The following YIPF7 variants were observed in gnomAD, a reference collection of about 807,000 sequenced individuals.
YIPF7 encodes Yip1 domain family member 7.
YIPF7 carries 35 observed loss-of-function variants against 27.2 expected under a neutral mutation model. The ratio of observed to expected loss-of-function variants is 1.29; its 90% confidence interval spans 0.98 to 1.70. The LOEUF is 1.70. YIPF7 is among the 40% of genes most tolerant of loss of function. YIPF7 has a pLI of 0.00. For synonymous variants in YIPF7, 137 were observed against 110.4 expected, an observed-to-expected ratio of 1.24 and a Z score of -1.51; for missense variants, 358 against 303.7, an observed-to-expected ratio of 1.18 and a Z score of -1.33.
chr4:44,624,688 AC>A lies in YIPF7; in HGVS notation c.520del (p.Val174CysfsTer80). The stretch of plus-strand genomic sequence containing the variant: ...CACGCTGGCCACACAGCCGTACGAC[AC>A]CCCTGAAGAGCTCATCAGGTTCAGC... The part of the protein sequence containing the change: ...ALLNLMSSSG[V>X]SYGCVASVLG... On this transcript the variant is annotated frameshift_variant, in exon 5 of 6. Coordinates refer to ENST00000415895, the MANE Select transcript of YIPF7 (RefSeq NM_182592.3). LOFTEE classifies it high-confidence loss of function. 1 of 1,609,650 alleles carries A rather than the reference AC, an allele frequency of 6.2e-7. No homozygotes were observed. Among genetic ancestry groups the A allele is most frequent in the East Asian group, 2.2e-5 (1 of 44,658 alleles).
intron 4 of YIPF7, 127 bp downstream of exon 4, chr4:44,629,276 A>G: frequency 8.5e-7 from 1 of 1,182,766 alleles, no homozygotes; most frequent in Non-Finnish European, 1.1e-6. Flanking sequence ...TGGTTAAATT[A>G]TTCTCTCTCA....
rs372303368 is a variant in YIPF7, at chr4:44,636,021, C to A, written c.181G>T (p.Gly61Cys). The change falls in exon 3 of 6, where the codon GGT becomes TGT. Residue 61 changes from glycine (G) to cysteine (C), a missense_variant. Coordinates refer to ENST00000415895, the MANE Select transcript of YIPF7 (RefSeq NM_182592.3). ...GGCTGAAAAAATTGTCCTGCGTAAC[C>A]CGATGACATGAGCATCTCTGATGGA... Reference protein sequence around the residue: ...FVPSEMLMSSGYAGQFFQPAS... With the variant: ...FVPSEMLMSSCYAGQFFQPAS... 17 of 1,613,794 alleles carry A rather than the reference C, an allele frequency of 1.1e-5. No individual in the cohort carries two copies. The highest frequency in any genetic ancestry group is 1.4e-5 in the Non-Finnish European group (16 of 1,179,796).
chr4:44,627,727 T>C (rs890913678), intron 4 of YIPF7, among the ~76,000 whole-genome samples: 4 of 152,214 alleles, frequency 2.6e-5, no homozygotes, highest in Admixed American at 1.3e-4. Flanking sequence ...TAGAATTAAA[T>C]AGAACCTGAA....
At chr4:44,631,694 A>T (rs893367439) in intron 3 of YIPF7, among the ~76,000 whole-genome samples, 2 of 152,172 alleles carry the variant, frequency 1.3e-5, no homozygotes, top group Non-Finnish European at 2.9e-5. Flanking sequence ...TTATTAATGA[A>T]CGTATGCTTT....
At chr4:44,627,004 G>A (rs915942927) in intron 4 of YIPF7, among the ~76,000 whole-genome samples, 4 of 150,816 alleles carry the variant, frequency 2.7e-5, no homozygotes, top group South Asian at 2.1e-4. Context: ...GGATGGTCTC[G>A]ATCTCCTGAG....
At chr4:44,642,453 C>T (rs1713358156) in intron 2 of YIPF7, among the ~76,000 whole-genome samples, 1 of 152,012 alleles carries the variant, frequency 6.6e-6, no homozygotes, top group South Asian at 2.1e-4. Flanking sequence ...TATACCATCA[C>T]TGTAATATTA....
upstream of YIPF7, among the ~76,000 whole-genome samples, chr4:44,653,729 A>G (rs1713806630): frequency 6.6e-6 from 1 of 152,112 alleles, no homozygotes; most frequent in African/African-American, 2.4e-5. Context: ...CCATAGGAAA[A>G]GGCCACATTG....
upstream of YIPF7, among the ~76,000 whole-genome samples, chr4:44,654,264 G>A (rs921536109): frequency 6.7e-6 from 1 of 149,906 alleles, no homozygotes; most frequent in Non-Finnish European, 1.5e-5. Flanking sequence ...AGTGTAGATT[G>A]ATATTACATA....
At chr4:44,651,503 G>T in intron 1 of YIPF7, 51 bp downstream of exon 1, 2 of 1,325,296 alleles carry the variant, frequency 1.5e-6, no homozygotes, top group Non-Finnish European at 1.0e-6. Flanking sequence ...ACATAACCGA[G>T]CTTTGTATTT....
At chr4:44,649,881 C>A in intron 2 of YIPF7, 104 bp downstream of exon 2, 1 of 656,136 alleles carries the variant, frequency 1.5e-6, no homozygotes, top group South Asian at 2.2e-5. Flanking sequence ...AAGATCAGAC[C>A]CTTCAACTTT....
At chr4:44,635,238 A>T (rs1313542318) in intron 3 of YIPF7, among the ~76,000 whole-genome samples, 1 of 152,084 alleles carries the variant, frequency 6.6e-6, no homozygotes, top group Non-Finnish European at 1.5e-5. Flanking sequence ...CCAGCATTGT[A>T]TTAACATTGT....
At chr4:44,650,507 G>GCACACACACACA (rs3040316) in intron 1 of YIPF7, among the ~76,000 whole-genome samples, 49 of 137,170 alleles carry the variant, frequency 3.6e-4, no homozygotes, top group East Asian at 1.4e-3. Context: ...GCGCGCGCGC[G>GCACACACACACA]CACACACACA....
At chr4:44,629,156 A>G (rs1261872456) in intron 4 of YIPF7, 1 of 339,386 alleles carries the variant, frequency 2.9e-6, no homozygotes, top group Non-Finnish European at 5.1e-6. Flanking sequence ...AATAACAAAA[A>G]AGACATAAAT....
intron 3 of YIPF7, among the ~76,000 whole-genome samples, chr4:44,631,006 T>G (rs1391968371): frequency 6.6e-6 from 1 of 152,222 alleles, no homozygotes; most frequent in Non-Finnish European, 1.5e-5. Flanking sequence ...TTACTGAGTG[T>G]TTGCTATGGA....
At chr4:44,653,207 G>A (rs1461346100), upstream of YIPF7, among the ~76,000 whole-genome samples, 9 of 152,076 alleles carry the variant, frequency 5.9e-5, no homozygotes, top group Admixed American at 5.9e-4. Context: ...GAGAAAAGTT[G>A]AAGGAGATGA....
At chr4:44,660,854 T>C (rs1373820474) in intron 1 of YIPF7, among the ~76,000 whole-genome samples, 2 of 152,128 alleles carry the variant, frequency 1.3e-5, no homozygotes, top group Non-Finnish European at 2.9e-5. Flanking sequence ...AAATATGTTT[T>C]TGTAGGATGG....
intron 5 of YIPF7, 133 bp downstream of exon 5, chr4:44,624,468 G>A (rs1256955393): frequency 9.7e-7 from 1 of 1,027,316 alleles, no homozygotes; most frequent in Middle Eastern, 3.3e-4. Context: ...TAATCTATGA[G>A]TAGCTTTTAA....
At chr4:44,624,168 G>A (rs566468037) in intron 5 of YIPF7, among the ~76,000 whole-genome samples, 176 of 151,306 alleles carry the variant, frequency 1.2e-3, no homozygotes, top group South Asian at 3.8e-3. Context: ...GGGTTCAAGC[G>A]ATTCTCCTGC....
chr4:44,654,128 G>T (rs1322708191), upstream of YIPF7, among the ~76,000 whole-genome samples: 1 of 152,016 alleles, frequency 6.6e-6, no homozygotes, highest in Non-Finnish European at 1.5e-5. Flanking sequence ...GACCATTAAT[G>T]CATAGGCAAG....
Sources: gnomAD v4.1 joint callset for allele counts (sites outside exome capture counted in the v4.1 genomes callset) on GRCh38, gnomAD v4.1.1 for gene constraint, MANE v1.5 for transcripts, NCBI Gene and HGNC (gene_info 2026-07-23, HGNC 2026-07-21) for gene names.